Variants in DLG2 observed in about 807,000 individuals in gnomAD.
DLG2 encodes discs large MAGUK scaffold protein 2.
A neutral mutation model predicts 132.5 loss-of-function variants in DLG2; 45 were observed. The ratio of observed to expected loss-of-function variants is 0.34; its 90% confidence interval spans 0.27 to 0.44. The LOEUF (loss-of-function observed/expected upper bound fraction) is 0.44, where lower values mean the gene tolerates loss of function less well. Among genes scored for constraint, DLG2 ranks in the 20% least tolerant of loss-of-function variants. The pLI is 1.00. For missense variants in DLG2, 1,045 were observed against 1,196.9 expected (o/e 0.87, Z 1.87); for synonymous variants, 424 against 419.6 (o/e 1.01, Z -0.13).
chr11:85,059,784 A>G (rs1380905739), intron 6 of DLG2, among the ~76,000 whole-genome samples: 2 of 151,766 alleles, frequency 1.3e-5, no homozygotes, highest in East Asian at 3.9e-4. Context: ...AAAGTCCACT[A>G]GGGATATCGA....
intron 27 of DLG2, chr11:83,461,689 ATAGT>A (rs1044415727): frequency 4.0e-6 from 1 of 247,512 alleles, no homozygotes; most frequent in African/African-American, 2.2e-5. Context: ...TATCAGGGAG[ATAGT>A]TTAATGAGGT....
At position 84,317,706 on chromosome 11, in the gene DLG2, A is replaced by G. The variant is rs77892272; in HGVS notation, c.520-66415T>C. On this transcript the variant is annotated intron_variant, in intron 7 of 27. Transcript: ENST00000376104. ...ACCTGTAAAGGAATTTTCAACATTT[A>G]TAAGAATCACTTATCTAGAGAGAGA... 1.5e-3 allele frequency among the ~76,000 whole-genome samples: 229 copies of G among 152,324 alleles called. 1 individual carries two copies. Among genetic ancestry groups the G allele is most frequent in the African/African-American group, 5.5e-3 (227 of 41,584 alleles).
intron 7 of DLG2, among the ~76,000 whole-genome samples, chr11:84,468,423 A>AT (rs35579070): frequency 0.24 from 36,469 of 151,214 alleles, 4,566 homozygotes; most frequent in South Asian, 0.37. Context: ...GAGAAACAAC[A>AT]GTAATCCTCC....
intron 6 of DLG2, among the ~76,000 whole-genome samples, chr11:84,596,733 C>A (rs1449574260): frequency 6.6e-6 from 1 of 152,090 alleles, no homozygotes; most frequent in Non-Finnish European, 1.5e-5. Flanking sequence ...AACTAGATGA[C>A]CTCTAAATTA....
chr11:84,198,038 GA>G (rs773199002), intron 8 of DLG2, among the ~76,000 whole-genome samples: 1 of 152,022 alleles, frequency 6.6e-6, no homozygotes, highest in Non-Finnish European at 1.5e-5. Flanking sequence ...AATGATCTAG[GA>G]AAGTCAGCCA....
intron 7 of DLG2, among the ~76,000 whole-genome samples, chr11:84,457,562 A>C (rs1300104604): frequency 1.3e-5 from 2 of 150,966 alleles, no homozygotes; most frequent in South Asian, 4.1e-4. Context: ...TACACCAGGG[A>C]TTTTAGTAAG....
At position 83,749,077 on chromosome 11, in the gene DLG2, T is replaced by C. The variant is rs139769521; in HGVS notation, c.1825+37613A>G. ...GTTCATTAGTGGTCATGGCTCCCCA[T>C]ATGGCTTTTGTGGGTTGACCATCAT... On this transcript the variant is annotated intron_variant, in intron 18 of 27. Transcript: ENST00000376104. 1.7e-3 allele frequency among the ~76,000 whole-genome samples: 265 copies of C among 152,272 alleles called. 1 individual carries two copies. The highest frequency in any genetic ancestry group is 6.3e-3 in the African/African-American group (263 of 41,542).
chr11:85,448,418 T>C (rs146263791), intron 3 of DLG2, among the ~76,000 whole-genome samples: 1,783 of 152,222 alleles, frequency 0.012, 15 homozygotes, highest in Middle Eastern at 0.017. Flanking sequence ...ACACCAAAAA[T>C]CTGCCCTGAC....
intron 6 of DLG2, among the ~76,000 whole-genome samples, chr11:84,633,153 C>T (rs1463233011): frequency 6.6e-6 from 1 of 152,102 alleles, no homozygotes; most frequent in Non-Finnish European, 1.5e-5. Flanking sequence ...GGACTTTCTC[C>T]AATCAATTAT....
intron 6 of DLG2, among the ~76,000 whole-genome samples, chr11:84,614,364 T>C (rs942690416): frequency 6.6e-6 from 1 of 152,130 alleles, no homozygotes; most frequent in Non-Finnish European, 1.5e-5. Context: ...AGAAACCGTG[T>C]GGGCAAAAGA....
intron 8 of DLG2, among the ~76,000 whole-genome samples, chr11:84,198,554 C>T (rs1597249992): frequency 6.6e-6 from 1 of 151,990 alleles, no homozygotes. Context: ...AATGTAATGT[C>T]AAAATACCAA....
chr11:84,998,647 G>A (rs913127337), intron 6 of DLG2, among the ~76,000 whole-genome samples: 11 of 152,116 alleles, frequency 7.2e-5, no homozygotes, highest in Admixed American at 2.6e-4. Flanking sequence ...GAAAATCTGA[G>A]CAGGTACGTA....
At chr11:83,868,179 C>A (rs528431736) in intron 16 of DLG2, among the ~76,000 whole-genome samples, 1 of 152,276 alleles carries the variant, frequency 6.6e-6, no homozygotes, top group South Asian at 2.1e-4. Flanking sequence ...ATCTCCCCCA[C>A]CCAGGGATGG....
intron 18 of DLG2, among the ~76,000 whole-genome samples, chr11:83,712,862 G>A (rs1227138395): frequency 6.6e-6 from 1 of 151,998 alleles, no homozygotes; most frequent in Non-Finnish European, 1.5e-5. Context: ...TGGATGCTAG[G>A]CTTAATACCT....
In DLG2 at chr11:84,757,093, C is replaced by T. The variant is rs2066984215; in HGVS notation, c.358-222362G>A. Among the ~76,000 whole-genome samples the T allele has an allele frequency of 2.0e-5, 3 of 152,220 alleles. No homozygotes were observed. In the South Asian group the frequency reaches 6.2e-4, roughly 32 times the overall value. Reference sequence around the variant, plus strand: ...GTTAGGTAACAATGGGCAAATCTTTCTCTACTCTGGAATTCTCTTCCTTTG... The same window carrying T: ...GTTAGGTAACAATGGGCAAATCTTTTTCTACTCTGGAATTCTCTTCCTTTG... On this transcript the variant is annotated intron_variant, in intron 6 of 27. Transcript: ENST00000376104.
chr11:83,917,415 T>C (rs2077090049), intron 15 of DLG2, among the ~76,000 whole-genome samples: 1 of 152,172 alleles, frequency 6.6e-6, no homozygotes, highest in African/African-American at 2.4e-5. Flanking sequence ...CCACATATGG[T>C]GAAACTTCTC....
At chr11:83,673,841 TTTG>T (rs763093604) in intron 18 of DLG2, among the ~76,000 whole-genome samples, 3 of 152,206 alleles carry the variant, frequency 2.0e-5, no homozygotes, top group Non-Finnish European at 2.9e-5. Flanking sequence ...AATGGAGAAT[TTTG>T]TTATTATTTG....
chr11:84,470,967 G>T (rs1386553520), intron 7 of DLG2, among the ~76,000 whole-genome samples: 1 of 151,758 alleles, frequency 6.6e-6, no homozygotes, highest in African/African-American at 2.4e-5. Context: ...TCAGGACAGG[G>T]AGCCCTCCCT....
chr11:84,949,954 A>C (rs2050712344), intron 6 of DLG2, among the ~76,000 whole-genome samples: 1 of 152,220 alleles, frequency 6.6e-6, no homozygotes, highest in African/African-American at 2.4e-5. Context: ...GACTGCAGTA[A>C]AGACGGGCAT....
Sources: gnomAD v4.1 joint callset for allele counts (sites outside exome capture counted in the v4.1 genomes callset) on GRCh38, gnomAD v4.1.1 for gene constraint, MANE v1.5 for transcripts, NCBI Gene and HGNC (gene_info 2026-07-23, HGNC 2026-07-21) for gene names.